The following STAG1 variants were observed in gnomAD, a reference collection of about 807,000 sequenced individuals.
The protein encoded by STAG1 is cohesin subunit SA-1.
Under a neutral mutation model 170.9 loss-of-function variants are expected in STAG1, and 26 were observed. The ratio of observed to expected loss-of-function variants is 0.15; its 90% CI spans 0.11 to 0.21. The LOEUF is 0.21. Among genes scored for constraint, STAG1 ranks in the 10% least tolerant of loss-of-function variants. The pLI is 1.00. For synonymous variants in STAG1, 514 were observed against 497.7 expected (o/e 1.03, Z -0.44); for missense variants, 964 against 1,509.5 (o/e 0.64, Z 5.99).
At chr3:136,347,387 T>G (rs1274390319) in intron 29 of STAG1, among the ~76,000 whole-genome samples, 1 of 94,322 alleles carries the variant, frequency 1.1e-5, no homozygotes, top group Non-Finnish European at 1.9e-5. Context: ...CAGAGGGAGA[T>G]CCTGTCTCAA....
intron 1 of STAG1, among the ~76,000 whole-genome samples, chr3:136,647,443 C>T (rs535837589): frequency 6.6e-6 from 1 of 152,214 alleles, no homozygotes; most frequent in Non-Finnish European, 1.5e-5. Context: ...GTAGCGCTAG[C>T]CTGTAATCCC....
intron 6 of STAG1, among the ~76,000 whole-genome samples, chr3:136,522,901 T>C (rs1370022628): frequency 6.6e-6 from 1 of 152,158 alleles, no homozygotes; most frequent in African/African-American, 2.4e-5. Context: ...CATGAACTCA[T>C]CATTTTTTAT....
intron 4 of STAG1, among the ~76,000 whole-genome samples, chr3:136,599,663 CT>C (rs1938582059): frequency 6.6e-6 from 1 of 152,110 alleles, no homozygotes; most frequent in Admixed American, 6.5e-5. Flanking sequence ...TTCTTACCTC[CT>C]TATTTCTCTG....
At chr3:136,664,162 T>C (rs1941675931) in intron 1 of STAG1, among the ~76,000 whole-genome samples, 1 of 152,204 alleles carries the variant, frequency 6.6e-6, no homozygotes, top group Non-Finnish European at 1.5e-5. Context: ...GGTGGGTTAC[T>C]AGTAATTTTT....
chr3:136,364,971 C>A (rs934006237), intron 25 of STAG1, among the ~76,000 whole-genome samples: 6 of 152,148 alleles, frequency 3.9e-5, no homozygotes, highest in Middle Eastern at 3.2e-3. Context: ...AGTACTGGAG[C>A]AGGCAGATTT....
chr3:136,697,822 T>G (rs922497030), intron 1 of STAG1, among the ~76,000 whole-genome samples: 1 of 152,218 alleles, frequency 6.6e-6, no homozygotes, highest in Admixed American at 6.5e-5. Flanking sequence ...TTCAGCCTGA[T>G]TACATTCCCA....
intron 24 of STAG1, among the ~76,000 whole-genome samples, 165 bp downstream of exon 24, chr3:136,368,943 A>G (rs979193681): frequency 2.6e-5 from 4 of 152,172 alleles, no homozygotes; most frequent in South Asian, 2.1e-4. Context: ...CTCCTGCCTC[A>G]GTCTCCTAAA....
At chr3:136,505,513 C>T (rs1449509337) in intron 7 of STAG1, among the ~76,000 whole-genome samples, 4 of 152,044 alleles carry the variant, frequency 2.6e-5, no homozygotes, top group African/African-American at 4.8e-5. Context: ...CTATTTCCAC[C>T]GCATTTTACA....
chr3:136,443,575 A>G (rs1323555085), intron 14 of STAG1, among the ~76,000 whole-genome samples, 171 bp from the exon 15 acceptor site: 1 of 152,184 alleles, frequency 6.6e-6, no homozygotes, highest in Non-Finnish European at 1.5e-5. Context: ...AATAGTGTGG[A>G]TGCAGTATGT....
intron 16 of STAG1, among the ~76,000 whole-genome samples, chr3:136,425,067 C>T (rs916704296): frequency 3.3e-5 from 5 of 151,750 alleles, no homozygotes; most frequent in Non-Finnish European, 4.4e-5. Flanking sequence ...CTCGATCTCC[C>T]GACCTCGTGA....
chr3:136,717,644 A>G (rs1359286971), intron 1 of STAG1, among the ~76,000 whole-genome samples: 5 of 152,238 alleles, frequency 3.3e-5, no homozygotes, highest in African/African-American at 4.8e-5. Context: ...AGCCTGGGCA[A>G]CAAGAGTGAA....
chr3:136,712,332 G>A (rs1442935680), intron 1 of STAG1, among the ~76,000 whole-genome samples: 1 of 152,002 alleles, frequency 6.6e-6, no homozygotes, highest in Non-Finnish European at 1.5e-5. Flanking sequence ...GAACTTTTCT[G>A]CACCAAAAGA....
At chr3:136,506,653 A>G (rs997963822) in intron 7 of STAG1, among the ~76,000 whole-genome samples, 2 of 151,650 alleles carry the variant, frequency 1.3e-5, no homozygotes, top group Non-Finnish European at 2.9e-5. Context: ...CTCAAAAAAA[A>G]AAAAAAAAAG....
Position 136,417,947 on chromosome 3 carries a change from G to C in STAG1, c.2134C>G (p.Leu712Val), listed in dbSNP as rs1021762615. The change falls in exon 21 of 34, where the codon CTC (leucine) becomes GTC (valine). Residue 712 changes from leucine (L) to valine (V), a missense_variant. By Grantham distance (32) the Leu-to-Val change is conservative. Coordinates refer to ENST00000383202, the MANE Select transcript of STAG1 (RefSeq NM_005862.3). ...HNAHDLTKWD[L>V]FGNCYRLLKT... The stretch of plus-strand genomic sequence containing the variant: ...AATAATCTGTAGCAATTACCAAAGA[G>C]ATCCCATTTTGTGAGATCATGTGCA... The C allele has an allele frequency of 1.2e-5, 19 of 1,613,666 alleles. No homozygotes were observed. Among genetic ancestry groups the C allele is most frequent in the Non-Finnish European group, 1.5e-5 (18 of 1,179,744 alleles).
At chr3:136,451,274 T>C (rs2088933144) in intron 14 of STAG1, among the ~76,000 whole-genome samples, 1 of 152,082 alleles carries the variant, frequency 6.6e-6, no homozygotes, top group Non-Finnish European at 1.5e-5. Context: ...AAGCAATAAC[T>C]GAATATAGCA....
chr3:136,720,436 C>G (rs1462628303), intron 1 of STAG1, among the ~76,000 whole-genome samples: 1 of 152,144 alleles, frequency 6.6e-6, no homozygotes, highest in East Asian at 1.9e-4. Flanking sequence ...TGACCCAGAT[C>G]TGCTATAGTG....
intron 21 of STAG1, among the ~76,000 whole-genome samples, chr3:136,406,590 G>A (rs1553803970): frequency 2.0e-5 from 3 of 152,076 alleles, no homozygotes; most frequent in Non-Finnish European, 1.5e-5. Flanking sequence ...AAAATTCACT[G>A]TAACATTTTT....
chr3:136,580,486 A>G (rs909765560), intron 4 of STAG1, among the ~76,000 whole-genome samples: 7 of 141,272 alleles, frequency 5.0e-5, no homozygotes, highest in African/African-American at 1.6e-4. Context: ...CAAACAAATC[A>G]TTTGCTCTGA....
intron 1 of STAG1, among the ~76,000 whole-genome samples, chr3:136,751,828 G>A (rs1198940844): frequency 6.6e-6 from 1 of 150,696 alleles, no homozygotes; most frequent in Non-Finnish European, 1.5e-5. Flanking sequence ...CGGAGGGCGG[G>A]CTTGGCGGCG....
Sources: allele counts gnomAD v4.1 joint callset (sites outside exome capture counted in the v4.1 genomes callset), GRCh38; gene constraint gnomAD v4.1.1; transcripts MANE v1.5; gene names NCBI Gene and HGNC (gene_info 2026-07-23, HGNC 2026-07-21).